ADAMTSL1: variants seen among roughly 807,000 people sequenced by gnomAD.
ADAMTSL1 encodes ADAMTS-like protein 1.
In ADAMTSL1, 126 loss-of-function variants were observed where a neutral mutation model predicts 201.8. The observed-to-expected ratio is 0.62, with a 90% CI of 0.54 to 0.72. The LOEUF (loss-of-function observed/expected upper bound fraction) is 0.72, where lower values mean the gene tolerates loss of function less well. ADAMTSL1 is among the 30% of genes least tolerant of loss of function. The pLI, the probability that ADAMTSL1 is intolerant of heterozygous loss-of-function variation, is 0.00. For synonymous variants in ADAMTSL1, 1,121 were observed against 903.4 expected, an observed-to-expected ratio of 1.24 and a Z score of -4.32; for missense variants, 2,679 against 2,277.8, an observed-to-expected ratio of 1.18 and a Z score of -3.59.
intron 1 of ADAMTSL1, among the ~76,000 whole-genome samples, chr9:18,150,180 A>G (rs1826845949): frequency 6.6e-6 from 1 of 152,062 alleles, no homozygotes; most frequent in African/African-American, 2.4e-5. Flanking sequence ...TTCCACGGTT[A>G]TGAAAAAGAT....
intron 4 of ADAMTSL1, among the ~76,000 whole-genome samples, chr9:18,598,182 T>A (rs902355063): frequency 2.6e-5 from 4 of 152,198 alleles, no homozygotes; most frequent in African/African-American, 9.6e-5. Flanking sequence ...CGCAAATCAG[T>A]ACCTTTGAAA....
At chr9:18,172,098 G>T (rs907251290) in intron 2 of ADAMTSL1, among the ~76,000 whole-genome samples, 2 of 139,654 alleles carry the variant, frequency 1.4e-5, no homozygotes, top group South Asian at 2.5e-4. Context: ...TGGACACAGG[G>T]AGGAGAACAT....
chr9:18,589,261 T>A (rs117325062), intron 4 of ADAMTSL1, among the ~76,000 whole-genome samples: 5,816 of 152,232 alleles, frequency 0.038, 155 homozygotes, highest in Non-Finnish European at 0.056. Flanking sequence ...CTGTCATCAA[T>A]GTTTTAGTTT....
intron 2 of ADAMTSL1, among the ~76,000 whole-genome samples, chr9:18,249,091 G>A (rs766020137): frequency 2.2e-4 from 34 of 152,156 alleles, no homozygotes; most frequent in Non-Finnish European, 2.4e-4. Flanking sequence ...GGAGGCATCC[G>A]TGATGCGAGA....
intron 2 of ADAMTSL1, among the ~76,000 whole-genome samples, chr9:18,451,393 C>A (rs934672237): frequency 6.6e-6 from 1 of 152,134 alleles, no homozygotes; most frequent in Non-Finnish European, 1.5e-5. Flanking sequence ...CGATTTTATA[C>A]CTGCAAATTG....
intron 2 of ADAMTSL1, among the ~76,000 whole-genome samples, chr9:18,353,171 C>T (rs1473234616): frequency 6.6e-6 from 1 of 152,184 alleles, no homozygotes; most frequent in East Asian, 1.9e-4. Context: ...GAACTCAGTT[C>T]ATTTATATTC....
chr9:18,008,994 G>C (rs550483256), intron 1 of ADAMTSL1, among the ~76,000 whole-genome samples: 7 of 152,098 alleles, frequency 4.6e-5, no homozygotes, highest in African/African-American at 1.7e-4. Context: ...TGGGTGAGCA[G>C]CAAGAATGAC....
rs1830340855 is a variant in ADAMTSL1, at chr9:18,906,878, C to A, written c.5148C>A (p.Asn1716Lys). 2 of 1,613,866 alleles carry A rather than the reference C, an allele frequency of 1.2e-6. No individual in the cohort carries two copies. The highest frequency in any genetic ancestry group is 2.7e-5 in the African/African-American group (2 of 74,948). ...GCTCCTGGGGGCCCCGGCCTGCCAA[C>A]TGGCAGCGCTGCAACATCACCCCAT... ...HLCSWGPRPANWQRCNITPCE... is the reference protein window; with the variant it reads ...HLCSWGPRPAKWQRCNITPCE... The change falls in exon 28 of 29, where the codon AAC becomes AAA. Residue 1716 changes from asparagine (N) to lysine (K), a missense_variant. Physicochemically the swap from Asn to Lys is moderately conservative, Grantham distance 94. Transcript: ENST00000380548.
At chr9:18,738,046 A>G (rs1371155927) in intron 15 of ADAMTSL1, among the ~76,000 whole-genome samples, 1 of 152,196 alleles carries the variant, frequency 6.6e-6, no homozygotes, top group Admixed American at 6.5e-5. Flanking sequence ...ATGAATTAAT[A>G]TATGTTAAGC....
At chr9:18,674,689 A>G (rs917559779) in intron 9 of ADAMTSL1, among the ~76,000 whole-genome samples, 7 of 152,240 alleles carry the variant, frequency 4.6e-5, no homozygotes, top group African/African-American at 1.4e-4. Context: ...TCAATATTAT[A>G]TAGATATATA....
chr9:17,940,148 T>C (rs1199075957), intron 1 of ADAMTSL1, among the ~76,000 whole-genome samples: 2 of 152,138 alleles, frequency 1.3e-5, no homozygotes, highest in Non-Finnish European at 2.9e-5. Flanking sequence ...GAATCATATC[T>C]TGACAGTTTC....
At chr9:18,146,413 C>A (rs557135880) in intron 1 of ADAMTSL1, among the ~76,000 whole-genome samples, 1 of 152,130 alleles carries the variant, frequency 6.6e-6, no homozygotes, top group Admixed American at 6.5e-5. Flanking sequence ...TCAAGCCATG[C>A]AAAGGTATTG....
chr9:18,265,362 G>A (rs1451633053), intron 2 of ADAMTSL1, among the ~76,000 whole-genome samples: 1 of 152,104 alleles, frequency 6.6e-6, no homozygotes, highest in Non-Finnish European at 1.5e-5. Context: ...CCCATAGCCA[G>A]TGCTTCCTAT....
chr9:18,760,063 C>T (rs1430337100), intron 16 of ADAMTSL1, among the ~76,000 whole-genome samples: 2 of 152,160 alleles, frequency 1.3e-5, no homozygotes, highest in African/African-American at 2.4e-5. Flanking sequence ...AAAGGTCTAA[C>T]ACCAAGCTTA....
intron 2 of ADAMTSL1, among the ~76,000 whole-genome samples, chr9:18,342,112 T>C (rs116195273): frequency 0.02 from 3,087 of 152,220 alleles, 98 homozygotes; most frequent in African/African-American, 0.069. Context: ...AAGCCCGATC[T>C]TACTCCCAGT....
chr9:18,081,594 A>C (rs1275242857), intron 1 of ADAMTSL1, among the ~76,000 whole-genome samples: 1 of 152,200 alleles, frequency 6.6e-6, no homozygotes, highest in Non-Finnish European at 1.5e-5. Flanking sequence ...CCATGGGCCC[A>C]GTGCATGTTG....
chr9:17,932,103 C>T (rs1001721560), intron 1 of ADAMTSL1, among the ~76,000 whole-genome samples: 1 of 152,158 alleles, frequency 6.6e-6, no homozygotes, highest in Non-Finnish European at 1.5e-5. Context: ...TGTTGTGGGT[C>T]TTCCCCCCAA....
intron 23 of ADAMTSL1, among the ~76,000 whole-genome samples, chr9:18,865,389 C>T (rs1222135283): frequency 6.6e-6 from 1 of 152,172 alleles, no homozygotes; most frequent in Non-Finnish European, 1.5e-5. Flanking sequence ...TTTATGGCTG[C>T]ATTGTATTCC....
chr9:18,440,479 C>G (rs2791456), intron 2 of ADAMTSL1, among the ~76,000 whole-genome samples: 38,773 of 151,128 alleles, frequency 0.26, 5,701 homozygotes, highest in Non-Finnish European at 0.33. Context: ...ACACTGCAAT[C>G]AGCATCTAGG....
Sources: allele counts gnomAD v4.1 joint callset (sites outside exome capture counted in the v4.1 genomes callset), GRCh38; gene constraint gnomAD v4.1.1; transcripts MANE v1.5; gene names NCBI Gene and HGNC (gene_info 2026-07-23, HGNC 2026-07-21).